The following MAF variants were observed in gnomAD, a reference collection of about 807,000 sequenced individuals.
MAF encodes transcription factor Maf.
MAF carries 10 observed loss-of-function variants against 22.0 expected under a neutral mutation model. The ratio of observed to expected loss-of-function variants is 0.45; its 90% CI spans 0.28 to 0.77. MAF has a LOEUF of 0.77. Ranked by LOEUF, MAF falls within the 30% of genes least tolerant of loss-of-function variation. The pLI is 0.12. For missense variants in MAF, 544 were observed against 548.4 expected (o/e 0.99, Z 0.08); for synonymous variants, 337 against 255.8 (o/e 1.32, Z -3.03).
chr16:79,213,332 A>G, the MAF span, among the ~76,000 whole-genome samples: 1 of 152,194 alleles, frequency 6.6e-6, no homozygotes, highest in Non-Finnish European at 1.5e-5. Context: ...AGTGGCCCAT[A>G]GCCTTGCCAC....
the MAF span, among the ~76,000 whole-genome samples, chr16:79,482,083 G>A: frequency 6.6e-6 from 1 of 152,176 alleles, no homozygotes; most frequent in Non-Finnish European, 1.5e-5. Context: ...AAAGAGATGT[G>A]AAAAGTGTTT....
the MAF span, among the ~76,000 whole-genome samples, chr16:79,258,938 C>T: frequency 6.6e-6 from 1 of 152,170 alleles, no homozygotes; most frequent in Non-Finnish European, 1.5e-5. Context: ...CTCAGGCTGC[C>T]TCTGCCTCCA....
At chr16:79,438,126 G>A in the MAF span, among the ~76,000 whole-genome samples, 1 of 152,062 alleles carries the variant, frequency 6.6e-6, no homozygotes, top group African/African-American at 2.4e-5. Context: ...GGGGGGCAGG[G>A]GGAAGAGAGT....
rs1427077897 is a variant in MAF, at chr16:79,600,426, A to T, written c.-524T>A. The T allele has an allele frequency of 5.1e-6, 1 of 196,554 alleles. No individual in the cohort carries two copies. The highest frequency in any genetic ancestry group is 1.2e-5 in the Non-Finnish European group (1 of 85,800). The allele number at this position is 196,554 out of a possible 1,614,324, so 12.2% of individuals were successfully genotyped here. ...CTGTCCGGGCGGCGCGGGCCTTGGC[A>T]CGGGGGAGTTAACACTTCATGCTTC... On this transcript the variant is annotated 5_prime_UTR_variant, in exon 1 of 2. Transcript: ENST00000326043.
chr16:79,480,385 A>C, the MAF span, among the ~76,000 whole-genome samples: 1 of 152,180 alleles, frequency 6.6e-6, no homozygotes, highest in African/African-American at 2.4e-5. Context: ...TTAAAATAAA[A>C]AAAGCCAATT....
intron 1 of MAF, 45 bp from the exon 2 acceptor site, chr16:79,594,598 T>G: frequency 1.3e-6 from 2 of 1,550,564 alleles, no homozygotes; most frequent in Non-Finnish European, 1.7e-6. Context: ...TAGACAAAGA[T>G]CAAACGCAGC....
At chr16:79,349,535 A>T in the MAF span, among the ~76,000 whole-genome samples, 1 of 152,176 alleles carries the variant, frequency 6.6e-6, no homozygotes, top group East Asian at 1.9e-4. Flanking sequence ...CTCTGGAACT[A>T]ACCACCAGCA....
At chr16:79,213,678 G>T in the MAF span, among the ~76,000 whole-genome samples, 2 of 151,778 alleles carry the variant, frequency 1.3e-5, no homozygotes, top group East Asian at 1.9e-4. Flanking sequence ...TCCCAGAACC[G>T]GCATCCAGCA....
chr16:79,410,127 A>G, the MAF span, among the ~76,000 whole-genome samples: 2 of 152,182 alleles, frequency 1.3e-5, no homozygotes, highest in Non-Finnish European at 2.9e-5. Flanking sequence ...TGAGTGTTCA[A>G]ACTGTGTTCA....
the MAF span, among the ~76,000 whole-genome samples, chr16:79,272,429 C>G: frequency 6.6e-6 from 1 of 152,206 alleles, no homozygotes; most frequent in African/African-American, 2.4e-5. Context: ...CCTGGAGGCC[C>G]TGTGCGTGTG....
the MAF span, among the ~76,000 whole-genome samples, chr16:79,372,286 G>C: frequency 2.6e-5 from 4 of 152,180 alleles, no homozygotes; most frequent in South Asian, 6.2e-4. Context: ...ACAAGCTTAA[G>C]AGCTGTAGGA....
chr16:79,282,444 A>C, the MAF span, among the ~76,000 whole-genome samples: 3 of 152,136 alleles, frequency 2.0e-5, no homozygotes, highest in Non-Finnish European at 4.4e-5. Flanking sequence ...CCCTCCTCTA[A>C]AAGGAAAATA....
the MAF span, among the ~76,000 whole-genome samples, chr16:79,499,529 G>A: frequency 6.6e-6 from 1 of 152,186 alleles, no homozygotes; most frequent in Non-Finnish European, 1.5e-5. Flanking sequence ...ATGGTATTAA[G>A]AGGTGGAGAT....
the MAF span, among the ~76,000 whole-genome samples, chr16:79,306,555 T>C: frequency 1.7e-4 from 26 of 152,244 alleles, 1 homozygote; most frequent in Admixed American, 1.1e-3. Flanking sequence ...ATGAATTGGA[T>C]GTATGGGATA....
At chr16:79,331,310 C>T in the MAF span, among the ~76,000 whole-genome samples, 5,140 of 152,252 alleles carry the variant, frequency 0.034, 303 homozygotes, top group African/African-American at 0.12. Context: ...GGGTGAGGAA[C>T]GGGGTGGTGT....
chr16:79,361,540 A>G, the MAF span, among the ~76,000 whole-genome samples: 1 of 152,204 alleles, frequency 6.6e-6, no homozygotes, highest in African/African-American at 2.4e-5. Flanking sequence ...TGGGTGAGCC[A>G]TGCTAGCCGG....
the MAF span, among the ~76,000 whole-genome samples, chr16:79,340,596 G>A: frequency 6.6e-6 from 1 of 151,636 alleles, no homozygotes; most frequent in Non-Finnish European, 1.5e-5. Context: ...CTTTGTGGTG[G>A]GACATTTAGG....
chr16:79,407,755 C>T, the MAF span, among the ~76,000 whole-genome samples: 31 of 152,196 alleles, frequency 2.0e-4, no homozygotes, highest in South Asian at 6.4e-3. Context: ...ACCCCTCCGT[C>T]CTGACACAAG....
chr16:79,359,930 C>A, the MAF span, among the ~76,000 whole-genome samples: 4 of 152,124 alleles, frequency 2.6e-5, no homozygotes, highest in Non-Finnish European at 5.9e-5. Context: ...AGATTGCCAT[C>A]TTATAACATG....
Sources: gnomAD v4.1 joint callset for allele counts (sites outside exome capture counted in the v4.1 genomes callset) on GRCh38, gnomAD v4.1.1 for gene constraint, MANE v1.5 for transcripts, NCBI Gene and HGNC (gene_info 2026-07-23, HGNC 2026-07-21) for gene names.